Variants in KLHL24 observed in about 807,000 individuals in gnomAD.
KLHL24 encodes the protein kelch-like protein 24.
A neutral mutation model predicts 53.4 loss-of-function variants in KLHL24; 29 were observed. That is an observed-to-expected ratio of 0.54 (90% CI 0.40 to 0.74). The LOEUF (loss-of-function observed/expected upper bound fraction) is 0.74. Among genes scored for constraint, KLHL24 ranks in the 30% least tolerant of loss-of-function variants. The pLI is 0.00. For synonymous variants in KLHL24, 222 were observed against 253.7 expected (o/e 0.88, Z 1.19); for missense variants, 504 against 744.0 (o/e 0.68, Z 3.75).
At chr3:183,636,669 T>TCGAGTTTTTATTGG in intron 1 of KLHL24, 1 of 152,458 alleles carries the variant, frequency 6.6e-6, no homozygotes, top group East Asian at 1.9e-4. Flanking sequence ...GAGGGAGAGT[T>TCGAGTTTTTATTGG]CGAGTTTTTA....
chr3:183,668,302 A>G lies in KLHL24; in HGVS notation c.1225-2732A>G, dbSNP rs374629313. On this transcript the variant is annotated intron_variant, in intron 5 of 7. Coordinates refer to ENST00000242810, the MANE Select transcript of KLHL24 (RefSeq NM_017644.3). ...GGCAAATGAAAAGTACTGATGTCTC[A>G]AAAACCATGTATGTATTGGTAAACT... Among the ~76,000 whole-genome samples the G allele has an allele frequency of 1.2e-4, 18 of 152,194 alleles. No individual in the cohort carries two copies. The East Asian group carries it at 1.7e-3, about 15-fold the overall frequency.
In KLHL24 at chr3:183,650,940, T is replaced by G. The variant is rs746139703; in HGVS notation, c.584T>G (p.Phe195Cys). 1 of 1,614,214 alleles carries G rather than the reference T, an allele frequency of 6.2e-7. No homozygotes were observed. The highest frequency in any genetic ancestry group is 8.5e-7 in the Non-Finnish European group (1 of 1,180,038). ...TKCKNFALQT[F>C]EDVSQHEEFL... The stretch of plus-strand genomic sequence containing the variant: ...TGCAAAAATTTTGCGTTACAGACTT[T>G]TGAGGATGTATCCCAGCACGAAGAA... Residue 195 changes from phenylalanine (F) to cysteine (C), a missense_variant, in exon 3 of 8, where the codon TTT becomes TGT. Coordinates refer to ENST00000242810, the MANE Select transcript of KLHL24 (RefSeq NM_017644.3). This position sits in a 1 kb window ranked among gnomAD's most constrained non-coding sequence, Gnocchi z 4.5.
At position 183,651,264 on chromosome 3, in the gene KLHL24, C is replaced by G; in HGVS notation, c.908C>G (p.Thr303Ser). 1 of 1,612,258 alleles carries G rather than the reference C, an allele frequency of 6.2e-7. No individual in the cohort carries two copies. Among genetic ancestry groups the G allele is most frequent in the Non-Finnish European group, 8.5e-7 (1 of 1,178,464 alleles). Residue 303 changes from threonine to serine, a missense_variant, in exon 3 of 8, where the codon ACT becomes AGT. By Grantham distance (58) the Thr-to-Ser change is moderately conservative. Coordinates refer to ENST00000242810, the MANE Select transcript of KLHL24 (RefSeq NM_017644.3). ...GGGAATGAAATGATGTCCCCAAGGA[C>G]TAGGCCACGCAGGTGAGAAGACTGT... Reference protein sequence around the residue: ...ILGNEMMSPRTRPRRSTGYSE... With the variant: ...ILGNEMMSPRSRPRRSTGYSE...
intron 3 of KLHL24, among the ~76,000 whole-genome samples, chr3:183,654,508 A>G (rs544704554): frequency 6.6e-6 from 1 of 151,238 alleles, no homozygotes. Context: ...TTCTTTTTAA[A>G]TTTTTATATA....
chr3:183,639,647 A>C (rs1178766932), intron 1 of KLHL24, among the ~76,000 whole-genome samples: 2 of 148,416 alleles, frequency 1.3e-5, no homozygotes, highest in Non-Finnish European at 3.0e-5. Context: ...AAAAAAAAAA[A>C]AAAAAATCTC....
rs1378915139 is a variant in KLHL24 at position 183,650,281 on chromosome 3, T to C, written c.-61-15T>C. 2 of 1,192,454 alleles carry C rather than the reference T, an allele frequency of 1.7e-6. No homozygotes were observed. Among genetic ancestry groups the C allele is most frequent in the Admixed American group, 2.5e-5 (1 of 39,526 alleles). 73.9% of individuals were successfully genotyped at this position (1,192,454 alleles called of 1,614,324 possible). The stretch of plus-strand genomic sequence containing the variant: ...TTTTTTGCATATTGAAATGTTTTCC[T>C]TTTTTTACTTTTAGCCACATAAAGA... On this transcript the variant is annotated splice_polypyrimidine_tract_variant and intron_variant, in intron 2 of 7. Transcript: ENST00000242810. This position sits in a 1 kb window ranked among gnomAD's most constrained non-coding sequence, Gnocchi z 4.5.
chr3:183,648,063 A>C (rs1037847087), intron 2 of KLHL24, among the ~76,000 whole-genome samples: 2 of 152,298 alleles, frequency 1.3e-5, no homozygotes, highest in African/African-American at 4.8e-5. Flanking sequence ...CATCTCTGTA[A>C]ACCCTAGGCC....
chr3:183,665,031 C>T lies in KLHL24; in HGVS notation c.1216C>T (p.Leu406Phe), dbSNP rs1214484497. Residue 406 changes from leucine to phenylalanine, a missense_variant, in exon 5 of 8, where the codon CTT becomes TTT. Coordinates refer to ENST00000242810, the MANE Select transcript of KLHL24 (RefSeq NM_017644.3). ...GRWRHKMAVL[L>F]GKVYVVGGYD... ...ATGGCGTCACAAAATGGCTGTCCTC[C>T]TTGGTAAAGTAAGAGAAACCACTTT... The T allele has an allele frequency of 1.3e-6, 2 of 1,584,292 alleles. No homozygotes were observed. Among genetic ancestry groups the T allele is most frequent in the Non-Finnish European group, 1.7e-6 (2 of 1,154,798 alleles).
chr3:183,657,883 A>G (rs1274039076), intron 3 of KLHL24, among the ~76,000 whole-genome samples: 1 of 152,134 alleles, frequency 6.6e-6, no homozygotes, highest in Non-Finnish European at 1.5e-5. Flanking sequence ...TTCAAAGGAT[A>G]CCTTTATTAC....
At chr3:183,643,892 G>T (rs969982662) in intron 2 of KLHL24, among the ~76,000 whole-genome samples, 1 of 152,124 alleles carries the variant, frequency 6.6e-6, no homozygotes, top group Non-Finnish European at 1.5e-5. Context: ...ATTCTGCTGT[G>T]ATATTTGCAA....
intron 3 of KLHL24, among the ~76,000 whole-genome samples, chr3:183,662,161 G>A (rs1019673302): frequency 6.6e-6 from 1 of 152,054 alleles, no homozygotes; most frequent in South Asian, 2.1e-4. Flanking sequence ...AAGTACTTTT[G>A]TTTGCATGTA....
intron 7 of KLHL24, among the ~76,000 whole-genome samples, chr3:183,678,530 T>A (rs1712294194): frequency 6.6e-6 from 1 of 151,666 alleles, no homozygotes; most frequent in African/African-American, 2.4e-5. Flanking sequence ...TTTTTTTAAC[T>A]TTTATTTTAA....
chr3:183,670,669 G>A (rs1442384739), intron 5 of KLHL24, among the ~76,000 whole-genome samples: 2 of 152,224 alleles, frequency 1.3e-5, no homozygotes, highest in Middle Eastern at 6.8e-3. Flanking sequence ...TTCTCAGTGT[G>A]AGCAGTATTA....
chr3:183,670,595 A>G (rs76743364), intron 5 of KLHL24, among the ~76,000 whole-genome samples: 10,305 of 152,258 alleles, frequency 0.068, 1,207 homozygotes, highest in African/African-American at 0.24. Flanking sequence ...CACAGCTCTA[A>G]TACTTTATAA....
chr3:183,639,696 T>G (rs1286737670), intron 1 of KLHL24, among the ~76,000 whole-genome samples: 1 of 131,624 alleles, frequency 7.6e-6, no homozygotes, highest in Non-Finnish European at 1.6e-5. Context: ...CTGGCATCCT[T>G]GCAGATTTAA....
At chr3:183,678,606 T>C (rs1712311627) in intron 7 of KLHL24, among the ~76,000 whole-genome samples, 1 of 152,076 alleles carries the variant, frequency 6.6e-6, no homozygotes. Context: ...GTTGTACAGA[T>C]TGTTTCATCA....
At chr3:183,643,336 A>C (rs1264135132) in intron 1 of KLHL24, 144 bp from the exon 2 acceptor site, 1 of 152,250 alleles carries the variant, frequency 6.6e-6, no homozygotes, top group Non-Finnish European at 1.5e-5. Flanking sequence ...GATGTTATTC[A>C]CTAATTATTT....
intron 1 of KLHL24, among the ~76,000 whole-genome samples, chr3:183,640,300 A>G (rs1716174267): frequency 1.3e-5 from 2 of 152,214 alleles, no homozygotes; most frequent in African/African-American, 4.8e-5. Flanking sequence ...AGAAGTTTTA[A>G]GTCGAGGGAG....
At position 183,683,283 on chromosome 3, in the gene KLHL24, T is replaced by C. The variant is rs1028189446; in HGVS notation, c.*3997T>C. On this transcript the variant is annotated 3_prime_UTR_variant, in exon 8 of 8. Transcript: ENST00000242810. ...GTTTTTGTGGTGCCAAGTGGTAAGATAATGTCTCTTTGAGGCTTCCTATGG... is the reference window on the plus strand; with the variant it reads ...GTTTTTGTGGTGCCAAGTGGTAAGACAATGTCTCTTTGAGGCTTCCTATGG... 1.3e-5 allele frequency: 2 copies of C among 152,668 alleles called. No individual in the cohort carries two copies. The highest frequency in any genetic ancestry group is 2.9e-5 in the Non-Finnish European group (2 of 68,066). The allele number at this position is 152,668 out of a possible 1,614,324, so 9.5% of individuals were successfully genotyped here.
Sources: allele counts gnomAD v4.1 joint callset (sites outside exome capture counted in the v4.1 genomes callset), GRCh38; gene constraint gnomAD v4.1.1; non-coding constraint Gnocchi (gnomAD v3.1); transcripts MANE v1.5; gene names NCBI Gene and HGNC (gene_info 2026-07-23, HGNC 2026-07-21).